SIM1: variants seen among roughly 807,000 people sequenced by gnomAD.
SIM1 encodes the protein SIM bHLH transcription factor 1.
Under a neutral mutation model 78.2 loss-of-function variants are expected in SIM1, and 18 were observed. The observed-to-expected ratio is 0.23, with a 90% CI of 0.16 to 0.34. The LOEUF (loss-of-function observed/expected upper bound fraction) is 0.34, where lower values mean the gene tolerates loss of function less well. Among genes scored for constraint, SIM1 ranks in the 10% least tolerant of loss-of-function variants. SIM1 has a pLI of 1.00. For missense variants in SIM1, 939 were observed against 975.1 expected (o/e 0.96, Z 0.49); for synonymous variants, 417 against 385.2 (o/e 1.08, Z -0.97).
Position 100,448,468 on chromosome 6 carries a change from T to C in SIM1, c.743+11A>G. ...GGCTAGGAGAGGCCCTTTCCGGCCC[T>C]GCCCACCCACCTGGAGTCCAGAAAG... On this transcript the variant is annotated intron_variant, in intron 7 of 11. Coordinates refer to ENST00000369208, the MANE Select transcript of SIM1 (RefSeq NM_005068.3). The C allele has an allele frequency of 6.2e-7, 1 of 1,612,964 alleles. No individual in the cohort carries two copies. The highest frequency in any genetic ancestry group is 8.5e-7 in the Non-Finnish European group (1 of 1,179,544).
chr6:100,446,900 C>T (rs766968506), intron 9 of SIM1, among the ~76,000 whole-genome samples: 7 of 152,190 alleles, frequency 4.6e-5, no homozygotes, highest in Non-Finnish European at 7.3e-5. Context: ...AAACAGATGT[C>T]CTGTTTGTTA....
At position 100,390,592 on chromosome 6, in the gene SIM1, G is replaced by A; in HGVS notation, c.2070C>T (p.Asp690=). Reference sequence around the variant, plus strand: ...AGCAGTTTGGAGAGACAGTAGGGTGGTCTCCTGCTGTCTGATGAGGAGATA... The same window carrying A: ...AGCAGTTTGGAGAGACAGTAGGGTGATCTCCTGCTGTCTGATGAGGAGATA... ...SDISPHQTAG[D]HPTVSPNCFG... Residue 690 remains aspartate, a synonymous_variant, in exon 12 of 12, where the codon GAC becomes GAT. Transcript: ENST00000369208. The A allele has an allele frequency of 6.2e-7, 1 of 1,614,172 alleles. No individual in the cohort carries two copies. Among genetic ancestry groups the A allele is most frequent in the Non-Finnish European group, 8.5e-7 (1 of 1,180,018 alleles).
At chr6:100,421,544 A>G (rs1313263386) in intron 9 of SIM1, among the ~76,000 whole-genome samples, 1 of 152,204 alleles carries the variant, frequency 6.6e-6, no homozygotes. Flanking sequence ...ACTTTGTGCT[A>G]CAATACAGGG....
At chr6:100,444,631 G>A (rs986903721) in intron 9 of SIM1, among the ~76,000 whole-genome samples, 2 of 152,044 alleles carry the variant, frequency 1.3e-5, no homozygotes, top group Non-Finnish European at 2.9e-5. Flanking sequence ...AAGCATCAAG[G>A]CGTATACCAC....
intron 10 of SIM1, among the ~76,000 whole-genome samples, chr6:100,412,696 AAAGAAAGAAAGAAAGAAAG>A (rs1771263598): frequency 2.0e-5 from 2 of 99,616 alleles, no homozygotes; most frequent in South Asian, 3.1e-4. Flanking sequence ...AGAAAGAAAG[AAAGAAAGAAAGAAAGAAAG>A]AAAGAAAGAA....
At chr6:100,423,201 T>G (rs1771640812) in intron 9 of SIM1, among the ~76,000 whole-genome samples, 1 of 152,210 alleles carries the variant, frequency 6.6e-6, no homozygotes, top group African/African-American at 2.4e-5. Flanking sequence ...TCTGACAATA[T>G]TTCAAAATTT....
chr6:100,402,739 G>A (rs1371374649), intron 10 of SIM1, among the ~76,000 whole-genome samples: 2 of 151,836 alleles, frequency 1.3e-5, no homozygotes, highest in African/African-American at 2.4e-5. Flanking sequence ...CACCACGCCT[G>A]GCTAATTTTT....
chr6:100,392,166 C>A (rs770659761), intron 11 of SIM1, among the ~76,000 whole-genome samples: 1 of 152,148 alleles, frequency 6.6e-6, no homozygotes, highest in Non-Finnish European at 1.5e-5. Context: ...AAGAGCGAAA[C>A]TCTGTCTCAA....
chr6:100,455,836 C>G (rs1242435705), intron 2 of SIM1, among the ~76,000 whole-genome samples: 1 of 152,198 alleles, frequency 6.6e-6, no homozygotes, highest in South Asian at 2.1e-4. Flanking sequence ...CACCCCGAAG[C>G]GGCCTCCCAA....
intron 10 of SIM1, among the ~76,000 whole-genome samples, chr6:100,407,550 C>T (rs1017928792): frequency 1.3e-5 from 2 of 152,000 alleles, no homozygotes; most frequent in African/African-American, 4.8e-5. Flanking sequence ...AATGGCTGTA[C>T]CAATTTACAT....
chr6:100,390,766 A>G lies in SIM1; in HGVS notation c.1896T>C (p.His632=), dbSNP rs1770618566. The G allele has an allele frequency of 1.2e-6, 2 of 1,613,980 alleles. No individual in the cohort carries two copies. The highest frequency in any genetic ancestry group is 1.7e-6 in the Non-Finnish European group (2 of 1,179,984). ...ACATTTTTCCCTCTCTCTGCTGGAT[A>G]TGGTCACATGGTGAAGTGTTGGCAA... ...SALANTSPCD[H]IQQREGKMLS... The change falls in exon 12 of 12, where the codon CAT becomes CAC. Residue 632 remains histidine (H), a synonymous_variant. Transcript: ENST00000369208.
chr6:100,452,663 T>C (rs1052502974), intron 3 of SIM1, among the ~76,000 whole-genome samples: 1 of 152,176 alleles, frequency 6.6e-6, no homozygotes, highest in Non-Finnish European at 1.5e-5. Context: ...GGATTTTGTT[T>C]TCTTGTTTAT....
At chr6:100,394,003 TGTCCTGAGGTC>T in intron 10 of SIM1, 114 bp from the exon 11 acceptor site, 1 of 1,062,562 alleles carries the variant, frequency 9.4e-7, no homozygotes, top group Non-Finnish European at 1.3e-6. Context: ...AAGGTCTCAT[TGTCCTGAGGTC>T]GTCAAAATAA....
At chr6:100,434,579 G>A (rs1771993722) in intron 9 of SIM1, among the ~76,000 whole-genome samples, 1 of 152,172 alleles carries the variant, frequency 6.6e-6, no homozygotes, top group Non-Finnish European at 1.5e-5. Context: ...AAGAGCAGCC[G>A]CAAACCTGTA....
At chr6:100,432,440 T>C (rs1582302315) in intron 9 of SIM1, among the ~76,000 whole-genome samples, 3 of 152,200 alleles carry the variant, frequency 2.0e-5, no homozygotes, top group East Asian at 1.9e-4. Flanking sequence ...GTTGTTGTTG[T>C]TGTTTAAATG....
intron 10 of SIM1, among the ~76,000 whole-genome samples, chr6:100,400,069 T>C (rs1269783933): frequency 2.0e-5 from 3 of 152,022 alleles, no homozygotes; most frequent in African/African-American, 7.2e-5. Context: ...ATAGAAATGT[T>C]ATGAATATTT....
intron 9 of SIM1, among the ~76,000 whole-genome samples, chr6:100,424,599 C>T (rs1027320943): frequency 6.6e-6 from 1 of 151,844 alleles, no homozygotes; most frequent in African/African-American, 2.4e-5. Context: ...CCATGCTCAA[C>T]TGATTTTTTT....
intron 9 of SIM1, chr6:100,437,193 T>G (rs939056863): frequency 1.3e-5 from 2 of 152,220 alleles, no homozygotes; most frequent in African/African-American, 4.8e-5. Context: ...GATAAAATAT[T>G]ATGATACCTC....
At chr6:100,416,410 T>C (rs531452501) in intron 10 of SIM1, among the ~76,000 whole-genome samples, 12 of 152,356 alleles carry the variant, frequency 7.9e-5, no homozygotes, top group East Asian at 3.9e-4. Flanking sequence ...AAGCCTAATG[T>C]ATAATAGTGA....
Sources: allele counts gnomAD v4.1 joint callset (sites outside exome capture counted in the v4.1 genomes callset), GRCh38; gene constraint gnomAD v4.1.1; transcripts MANE v1.5; gene names NCBI Gene and HGNC (gene_info 2026-07-23, HGNC 2026-07-21).